C21orf58: variants seen among roughly 807,000 people sequenced by gnomAD.
C21orf58 encodes the protein uncharacterized protein C21orf58.
In C21orf58, 34 loss-of-function variants were observed where a neutral mutation model predicts 35.8. The observed-to-expected ratio is 0.95, with a 90% CI of 0.72 to 1.26. C21orf58 has a LOEUF of 1.26. Among genes scored for constraint, C21orf58 ranks in the 50% most tolerant of loss-of-function variants. The probability of loss-of-function intolerance (pLI) is 0.00; values close to 1 mark genes in which losing one functional copy is unlikely to be tolerated. For missense variants in C21orf58, 440 were observed against 414.3 expected (o/e 1.06, Z -0.54); for synonymous variants, 191 against 175.8 (o/e 1.09, Z -0.68).
rs1457488887 is a variant in C21orf58 at position 46,301,704 on chromosome 21, C to T, written c.*295G>A. ...GGGGATCTGAGGCTCCCAGGTGGGCCGGCGCCGCCCTACAGGAAAGGAGGG... is the reference window on the plus strand; with the variant it reads ...GGGGATCTGAGGCTCCCAGGTGGGCTGGCGCCGCCCTACAGGAAAGGAGGG... On this transcript the variant is annotated 3_prime_UTR_variant, in exon 8 of 8. Coordinates refer to ENST00000291691, the MANE Select transcript of C21orf58 (RefSeq NM_058180.5). 4.3e-6 allele frequency: 5 copies of T among 1,168,220 alleles called. No homozygotes were observed. Among genetic ancestry groups the T allele is most frequent in the Non-Finnish European group, 5.3e-6 (5 of 947,444 alleles). 72.4% of individuals were successfully genotyped at this position (1,168,220 alleles called of 1,614,324 possible).
chr21:46,316,775 C>T (rs1215026853), intron 3 of C21orf58, among the ~76,000 whole-genome samples: 1 of 152,230 alleles, frequency 6.6e-6, no homozygotes, highest in African/African-American at 2.4e-5. Flanking sequence ...TCACAGCTTG[C>T]CCCACGTTCC....
At chr21:46,320,008 G>A (rs1429697940) in intron 1 of C21orf58, among the ~76,000 whole-genome samples, 2 of 152,216 alleles carry the variant, frequency 1.3e-5, no homozygotes, top group African/African-American at 4.8e-5. Flanking sequence ...AAACAGCTCT[G>A]AGTGTGCACA....
rs774930803 is a variant in C21orf58, at chr21:46,318,056, C to G, written c.265G>C (p.Ala89Pro). 1.9e-6 allele frequency: 3 copies of G among 1,613,508 alleles called. No individual in the cohort carries two copies. The highest frequency in any genetic ancestry group is 3.3e-4 in the Middle Eastern group (2 of 6,060). The change falls in exon 2 of 8, where the codon GCA becomes CCA. Residue 89 changes from alanine (A) to proline (P), a missense_variant. By Grantham distance (27) the Ala-to-Pro change is conservative. Coordinates refer to ENST00000291691, the MANE Select transcript of C21orf58 (RefSeq NM_058180.5). Reference protein sequence around the residue: ...PAAPTMLDSSAAEQVTRLTLK... With the variant: ...PAAPTMLDSSPAEQVTRLTLK... Reference sequence around the variant, plus strand: ...GTCAGTCGGGTCACTTGCTCTGCTGCTGATGAGTCCAGCATGGTGGGAGCT... The same window carrying G: ...GTCAGTCGGGTCACTTGCTCTGCTGGTGATGAGTCCAGCATGGTGGGAGCT...
At position 46,322,407 on chromosome 21, in the gene C21orf58, C is replaced by T. The variant is rs1395153317; in HGVS notation, c.100+232G>A. ...GGAACACAGTCTAGGCAAACCTGGG[C>T]ACATCCCCTCAGTCCCACAGTTGTA... On this transcript the variant is annotated intron_variant, in intron 1 of 7. Transcript: ENST00000291691. The T allele has an allele frequency of 9.2e-6, 9 of 983,522 alleles. No individual in the cohort carries two copies. The Admixed American group carries it at 2.5e-4, about 27-fold the overall frequency. The allele number at this position is 983,522 out of a possible 1,614,324, so 60.9% of individuals were successfully genotyped here.
At chr21:46,306,173 CT>C (rs1225250554) in intron 6 of C21orf58, among the ~76,000 whole-genome samples, 1 of 151,788 alleles carries the variant, frequency 6.6e-6, no homozygotes, top group African/African-American at 2.4e-5. Context: ...GATAAAATGA[CT>C]GTCAATCTAG....
At chr21:46,300,579 C>A (rs2082077766), downstream of C21orf58, 2 of 1,079,104 alleles carry the variant, frequency 1.9e-6, no homozygotes, top group Non-Finnish European at 2.3e-6. Context: ...AAAGATGGTT[C>A]TGAGAGAAGT....
chr21:46,314,561 A>G (rs908982446), intron 5 of C21orf58, among the ~76,000 whole-genome samples, 155 bp downstream of exon 5: 4 of 152,232 alleles, frequency 2.6e-5, no homozygotes, highest in Non-Finnish European at 5.9e-5. Context: ...GGCAGTGCCC[A>G]GGCAGGCAGC....
At chr21:46,313,841 T>G (rs2082850378) in intron 5 of C21orf58, among the ~76,000 whole-genome samples, 1 of 152,170 alleles carries the variant, frequency 6.6e-6, no homozygotes, top group South Asian at 2.1e-4. Flanking sequence ...TAGACTCTGC[T>G]GCCCTGTCTA....
intron 6 of C21orf58, among the ~76,000 whole-genome samples, chr21:46,303,677 TACACAC>T (rs142762284): frequency 0.091 from 3,026 of 33,284 alleles, 304 homozygotes; most frequent in Non-Finnish European, 0.13. Flanking sequence ...ACCTCATCTC[TACACAC>T]ACACACACAC....
At chr21:46,308,200 C>T (rs1188658181) in intron 6 of C21orf58, among the ~76,000 whole-genome samples, 1 of 152,092 alleles carries the variant, frequency 6.6e-6, no homozygotes, top group African/African-American at 2.4e-5. Flanking sequence ...CGGTGGCTCA[C>T]GCCCATAATC....
chr21:46,305,568 G>A (rs2082378367), intron 6 of C21orf58, among the ~76,000 whole-genome samples: 1 of 152,034 alleles, frequency 6.6e-6, no homozygotes, highest in Non-Finnish European at 1.5e-5. Flanking sequence ...AGGCTCAAGT[G>A]ATCCTCCCAT....
At chr21:46,317,145 C>G in intron 3 of C21orf58, 63 bp downstream of exon 3, 3 of 1,491,352 alleles carry the variant, frequency 2.0e-6, no homozygotes, top group Non-Finnish European at 2.8e-6. Flanking sequence ...GGAGGTGGCT[C>G]CCCCTGGAGT....
Position 46,315,554 on chromosome 21 carries a change from G to A in C21orf58, c.371-7C>T. 6.3e-7 allele frequency: 1 copy of A among 1,597,128 alleles called. No homozygotes were observed. ...TCCGGCCGGTCCTCATTTCCTGGAG[G>A]GAAGAACCTGCTTGCTTACCAAGGA... On this transcript the variant is annotated splice_polypyrimidine_tract_variant and splice_region_variant and intron_variant, in intron 3 of 7. Coordinates refer to ENST00000291691, the MANE Select transcript of C21orf58 (RefSeq NM_058180.5).
Position 46,302,112 on chromosome 21 carries a change from G to T in C21orf58, c.856C>A (p.Pro286Thr). 6.6e-7 allele frequency: 1 copy of T among 1,525,644 alleles called. No homozygotes were observed. The highest frequency in any genetic ancestry group is 8.8e-7 in the Non-Finnish European group (1 of 1,136,352). The allele number at this position is 1,525,644 out of a possible 1,614,324, so 94.5% of individuals were successfully genotyped here. Residue 286 changes from proline to threonine, a missense_variant, in exon 8 of 8, where the codon CCA becomes ACA. Transcript: ENST00000291691. ...TGGTGGTGCACGGCAGGCAGCCTTG[G>T]CCTGGCAGCTCGTGGGACCCTCGGG... ...VPPRVPRAAR[P>T]RLPAVHHHHH...
Position 46,314,862 on chromosome 21 carries a change from C to G in C21orf58, c.463G>C (p.Glu155Gln), listed in dbSNP as rs2082907942. Residue 155 changes from glutamate to glutamine, a missense_variant, in exon 5 of 8, where the codon GAG (glutamate) becomes CAG (glutamine). Glu to Gln is a conservative substitution (Grantham distance 29). Transcript: ENST00000291691. ...QRLREQHLLD[E>Q]LSRAQAWSGP... is the part of the protein sequence containing the mutation. ...CTCCAGGCCTGGGCCCGAGAGAGCT[C>G]GTCCAGGAGGTGTTGTTCCTGCAAG... The G allele has an allele frequency of 6.5e-7, 1 of 1,550,360 alleles. No homozygotes were observed. The highest frequency in any genetic ancestry group is 1.2e-5 in the South Asian group (1 of 84,040).
chr21:46,308,056 C>T (rs930502171), intron 6 of C21orf58, among the ~76,000 whole-genome samples: 1 of 151,868 alleles, frequency 6.6e-6, no homozygotes, highest in Non-Finnish European at 1.5e-5. Flanking sequence ...TACAAAGGCA[C>T]GATTTCTGCT....
chr21:46,322,475 C>A, intron 1 of C21orf58, 164 bp downstream of exon 1: 1 of 985,414 alleles, frequency 1.0e-6, no homozygotes, highest in Non-Finnish European at 1.2e-6. Context: ...CAGGCGCGGT[C>A]TGGGTCTCTG....
At position 46,322,823 on chromosome 21, in the gene C21orf58, G is replaced by T; in HGVS notation, c.-85C>A. On this transcript the variant is annotated 5_prime_UTR_variant, in exon 1 of 8. Transcript: ENST00000291691. ...CGAGATTCCAGGGCTTCCTGAGGGC[G>T]CGTTTAAGTTGCAGTTGCTGAGGAG... is the stretch of plus-strand genomic sequence containing the variant. 1 of 954,038 alleles carries T rather than the reference G, an allele frequency of 1.0e-6. No individual in the cohort carries two copies. The highest frequency in any genetic ancestry group is 1.4e-6 in the Non-Finnish European group (1 of 694,882). The allele number at this position is 954,038 out of a possible 1,614,324, so 59.1% of individuals were successfully genotyped here.
chr21:46,314,569 A>G, intron 5 of C21orf58, 147 bp downstream of exon 5: 1 of 623,522 alleles, frequency 1.6e-6, no homozygotes, highest in Non-Finnish European at 2.7e-6. Context: ...CCAGGCAGGC[A>G]GCTGGCCCCC....
Sources: gnomAD v4.1 joint callset for allele counts (sites outside exome capture counted in the v4.1 genomes callset) on GRCh38, gnomAD v4.1.1 for gene constraint, MANE v1.5 for transcripts, NCBI Gene and HGNC (gene_info 2026-07-23, HGNC 2026-07-21) for gene names.